The following MIER1 variants were observed in gnomAD, a reference collection of about 807,000 sequenced individuals.
MIER1 encodes the protein mesoderm induction early response protein 1.
MIER1 carries 40 observed loss-of-function variants against 75.7 expected under a neutral mutation model. That is an observed-to-expected ratio of 0.53 (90% CI 0.41 to 0.69). The LOEUF is 0.69. Ranked by LOEUF, MIER1 falls within the 30% of genes least tolerant of loss-of-function variation. MIER1 has a pLI of 0.00. For missense variants in MIER1, 574 were observed against 680.2 expected (o/e 0.84, Z 1.74); for synonymous variants, 213 against 223.4 (o/e 0.95, Z 0.42).
chr1:66,941,139 A>T (rs981743976), intron 3 of MIER1, among the ~76,000 whole-genome samples: 2 of 152,238 alleles, frequency 1.3e-5, no homozygotes, highest in Non-Finnish European at 2.9e-5. Flanking sequence ...TTCTATGAAC[A>T]TGAATCACTG....
At position 66,972,923 on chromosome 1, in the gene MIER1, G is replaced by T; in HGVS notation, c.1033G>T (p.Glu345Ter). Residue 345 changes from glutamate (E) to a stop codon, truncating the protein, a stop_gained, in exon 11 of 14, where the codon GAG becomes TAG. Coordinates refer to ENST00000401041, the MANE Select transcript of MIER1 (RefSeq NM_001077700.3). LOFTEE classifies it high-confidence loss of function. ...GGAATTATCTGTTTGGACAGAGGAA[G>T]AGTGTAGAAATTTTGAACAAGGGCT... ...REELSVWTEE[E>*]CRNFEQGLKA... 1 of 1,604,300 alleles carries T rather than the reference G, an allele frequency of 6.2e-7. No individual in the cohort carries two copies. The highest frequency in any genetic ancestry group is 8.5e-7 in the Non-Finnish European group (1 of 1,171,516).
intron 3 of MIER1, chr1:66,940,253 G>A: frequency 3.5e-6 from 1 of 289,262 alleles, no homozygotes. Flanking sequence ...TCCTAAAAAT[G>A]ACTATTTTTG....
At position 66,986,454 on chromosome 1, in the gene MIER1, CCAA is replaced by C; in HGVS notation, c.*1555_*1557del. 1 of 1,610,280 alleles carries C rather than the reference CCAA, an allele frequency of 6.2e-7. No homozygotes were observed. Among genetic ancestry groups the C allele is most frequent in the East Asian group, 2.2e-5 (1 of 44,824 alleles). On this transcript the variant is annotated 3_prime_UTR_variant, in exon 14 of 14. Coordinates refer to ENST00000401041, the MANE Select transcript of MIER1 (RefSeq NM_001077700.3). ...CATTTTTCAGCCATCAGTTCAAGAGCCAATGCCTTTTTAAAATAAAGCTTCTGT... is the reference window on the plus strand; with the variant it reads ...CATTTTTCAGCCATCAGTTCAAGAGCTGCCTTTTTAAAATAAAGCTTCTGT...
chr1:66,986,489 G>A lies in MIER1; in HGVS notation c.*1589G>A. On this transcript the variant is annotated 3_prime_UTR_variant, in exon 14 of 14. Transcript: ENST00000401041. ...TTTAAAATAAAGCTTCTGTGGTCTTGTTTTTAATGGCTCAACTGTCTGATG... is the reference window on the plus strand; with the variant it reads ...TTTAAAATAAAGCTTCTGTGGTCTTATTTTTAATGGCTCAACTGTCTGATG... 4 of 1,548,804 alleles carry A rather than the reference G, an allele frequency of 2.6e-6. No homozygotes were observed. Among genetic ancestry groups the A allele is most frequent in the Non-Finnish European group, 2.7e-6 (3 of 1,126,768 alleles).
rs1190283618 is a variant in MIER1, at chr1:66,984,638, T to A, written c.1436T>A (p.Ile479Asn). ...KEEVKVEGLH[I>N]NGPTGGNKKP... The stretch of plus-strand genomic sequence containing the variant: ...GAAGTAAAAGTTGAAGGGTTACACA[T>A]TAATGGACCAACAGGTGGAAATAAG... The change falls in exon 14 of 14, where the codon ATT becomes AAT. Residue 479 changes from isoleucine (I) to asparagine (N), a missense_variant. Physicochemically the swap from Ile to Asn is moderately radical, Grantham distance 149. Transcript: ENST00000401041. 1.2e-6 allele frequency: 2 copies of A among 1,613,724 alleles called. No homozygotes were observed. The highest frequency in any genetic ancestry group is 2.2e-5 in the East Asian group (1 of 44,852).
intron 2 of MIER1, chr1:66,930,208 G>GA: frequency 7.3e-7 from 1 of 1,372,972 alleles, no homozygotes; most frequent in Non-Finnish European, 9.4e-7. Context: ...GGGGCGCCGC[G>GA]AGGGGGCGGA....
chr1:66,953,852 C>T (rs532792613), intron 4 of MIER1, among the ~76,000 whole-genome samples: 34 of 152,156 alleles, frequency 2.2e-4, no homozygotes, highest in Middle Eastern at 6.8e-3. Flanking sequence ...GATCTGTCCC[C>T]CTCAGTCTCC....
intron 8 of MIER1, among the ~76,000 whole-genome samples, chr1:66,970,145 G>GT (rs1663308285): frequency 6.6e-6 from 1 of 152,020 alleles, no homozygotes; most frequent in African/African-American, 2.4e-5. Flanking sequence ...TACTTTTTGA[G>GT]TTTTAATTAG....
intron 2 of MIER1, chr1:66,929,140 T>C (rs1652500737): frequency 1.5e-6 from 1 of 652,344 alleles, no homozygotes; most frequent in Non-Finnish European, 2.7e-6. Flanking sequence ...CTCCCCTATA[T>C]TGCATTATAA....
rs1664000427 is a variant in MIER1, at chr1:66,972,991, A to G, written c.1101A>G (p.Lys367=). ...GKDFHLIQAN[K]VRTRSVGECV... The stretch of plus-strand genomic sequence containing the variant: ...ATTTTCATTTGATTCAGGCTAATAA[A>G]GTAAGTAATGATAATCTCTTTTTTG... The change falls in exon 11 of 14, where the codon AAA becomes AAG. Residue 367 remains lysine, a splice_region_variant and synonymous_variant. Coordinates refer to ENST00000401041, the MANE Select transcript of MIER1 (RefSeq NM_001077700.3). 3 of 1,563,702 alleles carry G rather than the reference A, an allele frequency of 1.9e-6. No homozygotes were observed. The African/African-American group carries it at 4.1e-5, about 21-fold the overall frequency.
intron 4 of MIER1, chr1:66,948,291 T>A (rs557326730): frequency 2.3e-6 from 2 of 870,090 alleles, no homozygotes; most frequent in African/African-American, 3.6e-5. Flanking sequence ...TAAGACATAG[T>A]GCCAGTCTTT....
At chr1:66,951,555 A>C (rs1558055207) in intron 4 of MIER1, among the ~76,000 whole-genome samples, 2 of 148,238 alleles carry the variant, frequency 1.3e-5, no homozygotes, top group Non-Finnish European at 3.0e-5. Flanking sequence ...CAGTCTGCAA[A>C]TATAGTGTGT....
At chr1:66,981,643 A>T in intron 12 of MIER1, 136 bp from the exon 13 acceptor site, 2 of 643,120 alleles carry the variant, frequency 3.1e-6, no homozygotes. Context: ...AGATCCTGGT[A>T]TGATAGATGA....
chr1:66,974,030 A>T (rs1488738252), intron 11 of MIER1, among the ~76,000 whole-genome samples: 1 of 151,956 alleles, frequency 6.6e-6, no homozygotes, highest in Non-Finnish European at 1.5e-5. Flanking sequence ...TTAATAAAAT[A>T]TTTACAAATC....
chr1:66,966,073 A>C (rs1477435113), intron 8 of MIER1, among the ~76,000 whole-genome samples: 85 of 151,924 alleles, frequency 5.6e-4, no homozygotes, highest in Admixed American at 5.5e-3. Context: ...TCTAGGGTAC[A>C]TGTGCACAAC....
intron 13 of MIER1, among the ~76,000 whole-genome samples, chr1:66,982,392 G>T (rs943076852): frequency 1.3e-5 from 2 of 152,272 alleles, no homozygotes; most frequent in African/African-American, 4.8e-5. Flanking sequence ...GTATCAACCT[G>T]TATATTAATA....
At chr1:66,966,446 T>G (rs1662422700) in intron 8 of MIER1, among the ~76,000 whole-genome samples, 1 of 152,196 alleles carries the variant, frequency 6.6e-6, no homozygotes, top group Non-Finnish European at 1.5e-5. Context: ...TGATGGACAT[T>G]TGGGTTGGTT....
Position 66,986,180 on chromosome 1 carries a change from T to C in MIER1, c.*1280T>C. On this transcript the variant is annotated 3_prime_UTR_variant, in exon 14 of 14. Transcript: ENST00000401041. ...TCAAACTTTTCTAGTTACAATCCAATTTTTCAGATTTGATAATGCTTTTCC... is the reference window on the plus strand; with the variant it reads ...TCAAACTTTTCTAGTTACAATCCAACTTTTCAGATTTGATAATGCTTTTCC... 8.1e-7 allele frequency: 1 copy of C among 1,234,608 alleles called. No individual in the cohort carries two copies. The highest frequency in any genetic ancestry group is 1.0e-6 in the Non-Finnish European group (1 of 989,014). The allele number at this position is 1,234,608 out of a possible 1,614,324, so 76.5% of individuals were successfully genotyped here. A position where few individuals can be genotyped will look rare whatever the true frequency, so the allele number is the denominator to read the frequency against.
intron 11 of MIER1, among the ~76,000 whole-genome samples, chr1:66,974,886 C>A (rs2101937069): frequency 6.6e-6 from 1 of 152,246 alleles, no homozygotes; most frequent in East Asian, 1.9e-4. Flanking sequence ...TTTTCATAAT[C>A]TTAACTTTGC....
Sources: allele counts gnomAD v4.1 joint callset (sites outside exome capture counted in the v4.1 genomes callset), GRCh38; gene constraint gnomAD v4.1.1; transcripts MANE v1.5; gene names NCBI Gene and HGNC (gene_info 2026-07-23, HGNC 2026-07-21).